The following ERC2 variants were observed in gnomAD, a reference collection of about 807,000 sequenced individuals.
ERC2 encodes ERC protein 2.
Under a neutral mutation model 114.8 loss-of-function variants are expected in ERC2, and 42 were observed. That is an observed-to-expected ratio of 0.37 (90% CI 0.29 to 0.47). The LOEUF (loss-of-function observed/expected upper bound fraction) is 0.47. ERC2 is among the 20% of genes least tolerant of loss of function. The pLI is 0.99. For missense variants in ERC2, 939 were observed against 1,150.7 expected, an observed-to-expected ratio of 0.82 and a Z score of 2.66; for synonymous variants, 454 against 425.5, an observed-to-expected ratio of 1.07 and a Z score of -0.82.
chr3:55,932,291 A>G (rs1427974897), intron 13 of ERC2, among the ~76,000 whole-genome samples: 1 of 152,178 alleles, frequency 6.6e-6, no homozygotes, highest in Admixed American at 6.5e-5. Flanking sequence ...AAGAATTTCT[A>G]TGTACCGAGA....
intron 3 of ERC2, among the ~76,000 whole-genome samples, chr3:56,247,488 A>G (rs2051795153): frequency 6.6e-6 from 1 of 152,244 alleles, no homozygotes; most frequent in Non-Finnish European, 1.5e-5. Context: ...AGTGTAATCT[A>G]TTAATTTGCT....
intron 1 of ERC2, among the ~76,000 whole-genome samples, chr3:56,464,828 A>G (rs977481225): frequency 2.0e-5 from 3 of 152,148 alleles, no homozygotes; most frequent in Non-Finnish European, 2.9e-5. Flanking sequence ...TGGCAAGTAG[A>G]TGCCCCACGG....
At chr3:55,972,510 G>A (rs1037689351) in intron 12 of ERC2, among the ~76,000 whole-genome samples, 1 of 152,166 alleles carries the variant, frequency 6.6e-6, no homozygotes, top group Non-Finnish European at 1.5e-5. Flanking sequence ...TCCCACCTAT[G>A]AGTGAGAACA....
At chr3:56,105,071 C>T (rs186812404) in intron 6 of ERC2, among the ~76,000 whole-genome samples, 19 of 151,144 alleles carry the variant, frequency 1.3e-4, no homozygotes, top group African/African-American at 4.6e-4. Context: ...GAAAGCATTC[C>T]AGGTAGAGGG....
At chr3:55,566,287 G>A (rs546666278) in intron 17 of ERC2, among the ~76,000 whole-genome samples, 25 of 152,274 alleles carry the variant, frequency 1.6e-4, no homozygotes, top group African/African-American at 5.3e-4. Context: ...TTTTACACAC[G>A]TACTAAGTGC....
chr3:55,580,409 A>G (rs576677680), intron 17 of ERC2, among the ~76,000 whole-genome samples: 1 of 152,316 alleles, frequency 6.6e-6, no homozygotes, highest in South Asian at 2.1e-4. Context: ...ACTCTGGAAG[A>G]AAAGACAGAG....
At chr3:55,746,302 C>T (rs544454765) in intron 14 of ERC2, among the ~76,000 whole-genome samples, 6 of 151,838 alleles carry the variant, frequency 4.0e-5, no homozygotes, top group Non-Finnish European at 7.4e-5. Context: ...GGCATCATCT[C>T]GGCTCACTGC....
At chr3:56,274,630 T>C (rs193056418) in intron 3 of ERC2, among the ~76,000 whole-genome samples, 2 of 152,320 alleles carry the variant, frequency 1.3e-5, no homozygotes, top group Admixed American at 1.3e-4. Flanking sequence ...TCAAATATTG[T>C]TTGTGTGGGT....
At chr3:56,101,799 C>T (rs541027212) in intron 6 of ERC2, among the ~76,000 whole-genome samples, 1 of 152,078 alleles carries the variant, frequency 6.6e-6, no homozygotes, top group African/African-American at 2.4e-5. Context: ...AACATTCCAG[C>T]AAGAGGAAAT....
chr3:55,563,768 G>A (rs1214743827), intron 17 of ERC2, among the ~76,000 whole-genome samples: 4 of 152,034 alleles, frequency 2.6e-5, no homozygotes, highest in African/African-American at 9.7e-5. Context: ...GAGATGGAAA[G>A]ATAGAGAGAT....
intron 15 of ERC2, among the ~76,000 whole-genome samples, chr3:55,706,003 C>G (rs1045478127): frequency 2.0e-5 from 3 of 152,100 alleles, no homozygotes; most frequent in African/African-American, 7.2e-5. Flanking sequence ...GCCCGTGCAT[C>G]TTCCTCGGCT....
intron 17 of ERC2, among the ~76,000 whole-genome samples, chr3:55,642,919 A>G (rs2060247373): frequency 1.3e-5 from 2 of 152,228 alleles, no homozygotes; most frequent in African/African-American, 4.8e-5. Flanking sequence ...GTATGTATGC[A>G]TCTATCTGCC....
intron 2 of ERC2, among the ~76,000 whole-genome samples, chr3:56,391,307 C>T (rs1191864208): frequency 6.6e-6 from 1 of 152,178 alleles, no homozygotes; most frequent in African/African-American, 2.4e-5. Flanking sequence ...GTCACAACTT[C>T]CAATGTGCAC....
intron 12 of ERC2, among the ~76,000 whole-genome samples, chr3:55,959,637 T>G (rs1210654325): frequency 6.6e-6 from 1 of 152,226 alleles, no homozygotes; most frequent in Non-Finnish European, 1.5e-5. Context: ...CGTGATTAAC[T>G]AACGAGCCTG....
At chr3:55,647,740 C>T (rs2148669145) in intron 17 of ERC2, among the ~76,000 whole-genome samples, 1 of 152,302 alleles carries the variant, frequency 6.6e-6, no homozygotes, top group Middle Eastern at 3.4e-3. Flanking sequence ...GGTACGTCTG[C>T]TTGGGAAGGG....
At chr3:56,316,625 C>T (rs565177260) in intron 2 of ERC2, among the ~76,000 whole-genome samples, 1 of 152,240 alleles carries the variant, frequency 6.6e-6, no homozygotes, top group South Asian at 2.1e-4. Flanking sequence ...TACACACACA[C>T]ACACATATAT....
chr3:56,204,708 G>C (rs1407829247), intron 3 of ERC2, among the ~76,000 whole-genome samples: 3 of 151,678 alleles, frequency 2.0e-5, no homozygotes, highest in African/African-American at 7.3e-5. Context: ...TCACCACACT[G>C]GCCAGGATGG....
intron 3 of ERC2, among the ~76,000 whole-genome samples, chr3:56,194,645 T>C (rs1195806796): frequency 6.6e-6 from 1 of 152,196 alleles, no homozygotes; most frequent in Admixed American, 6.5e-5. Context: ...ACACTTAGGC[T>C]ACACTGACTT....
At chr3:56,213,007 T>C (rs982883663) in intron 3 of ERC2, among the ~76,000 whole-genome samples, 4 of 152,054 alleles carry the variant, frequency 2.6e-5, no homozygotes, top group Non-Finnish European at 4.4e-5. Flanking sequence ...GAATATACAA[T>C]AGACTTTGCG....
Sources: allele counts gnomAD v4.1 joint callset (sites outside exome capture counted in the v4.1 genomes callset), GRCh38; gene constraint gnomAD v4.1.1; transcripts MANE v1.5; gene names NCBI Gene and HGNC (gene_info 2026-07-23, HGNC 2026-07-21).